The following SPPL3 variants were observed in gnomAD, a reference collection of about 807,000 sequenced individuals.
SPPL3 encodes the protein signal peptide peptidase like 3.
A neutral mutation model predicts 42.4 loss-of-function variants in SPPL3; 5 were observed. The observed-to-expected ratio is 0.12, with a 90% CI of 0.06 to 0.25. The LOEUF (loss-of-function observed/expected upper bound fraction) is 0.25. Ranked by LOEUF, SPPL3 falls within the 10% of genes least tolerant of loss-of-function variation. The pLI, the probability that SPPL3 is intolerant of heterozygous loss-of-function variation, is 1.00. For missense variants in SPPL3, 235 were observed against 489.0 expected (o/e 0.48, Z 4.90); for synonymous variants, 195 against 181.8 (o/e 1.07, Z -0.58).
At position 120,768,966 on chromosome 12, in the gene SPPL3, T is replaced by A; in HGVS notation, c.596A>T (p.Tyr199Phe). 6.2e-7 allele frequency: 1 copy of A among 1,610,034 alleles called. No individual in the cohort carries two copies. The highest frequency in any genetic ancestry group is 2.2e-5 in the East Asian group (1 of 44,786). ...ATAAACGCTTACCCAAAAGACATCATAGATGAGAAGCCCTGAGAGAAGCAG... is the reference window on the plus strand; with the variant it reads ...ATAAACGCTTACCCAAAAGACATCAAAGATGAGAAGCCCTGAGAGAAGCAG... ...SCLLLSGLLI[Y>F]DVFWVFFSAY... is the part of the protein sequence containing the mutation. Residue 199 changes from tyrosine to phenylalanine, a missense_variant, in exon 7 of 11, where the codon TAT becomes TTT. Tyr to Phe is a conservative substitution (Grantham distance 22, BLOSUM62 3). Around this residue, in one of 6 missense-constraint regions of SPPL3, gnomAD observed 18 missense variants for 86.9 expected, o/e 0.21. Transcript: ENST00000353487.
chr12:120,815,787 T>G (rs1870851199), intron 1 of SPPL3, among the ~76,000 whole-genome samples: 1 of 152,046 alleles, frequency 6.6e-6, no homozygotes, highest in East Asian at 1.9e-4. Context: ...AGTGCAACGG[T>G]GCGATCTCGG....
At chr12:120,786,664 AAACCACAGATTTTTG>A (rs1486855056) in intron 3 of SPPL3, among the ~76,000 whole-genome samples, 1 of 151,348 alleles carries the variant, frequency 6.6e-6, no homozygotes, top group African/African-American at 2.4e-5. Flanking sequence ...TTTTTTTTTT[AAACCACAGATTTTTG>A]AACCAGGAGG....
At chr12:120,859,592 G>T (rs904540020) in intron 1 of SPPL3, among the ~76,000 whole-genome samples, 2 of 152,138 alleles carry the variant, frequency 1.3e-5, no homozygotes, top group Admixed American at 1.3e-4. Context: ...TATCTCTACA[G>T]CCATTATTAT....
At chr12:120,903,695 T>G in intron 1 of SPPL3, 150 bp downstream of exon 1, 1 of 665,270 alleles carries the variant, frequency 1.5e-6, no homozygotes, top group Non-Finnish European at 2.3e-6. Flanking sequence ...AGCCGCCCCC[T>G]CCGGTGGGGA....
chr12:120,844,005 T>G (rs1282590228), intron 1 of SPPL3, among the ~76,000 whole-genome samples: 1 of 152,118 alleles, frequency 6.6e-6, no homozygotes, highest in Non-Finnish European at 1.5e-5. Flanking sequence ...AAACAAAACA[T>G]TTGTTCTCTG....
rs931883775 is a variant in SPPL3, at chr12:120,764,135, T to C, written c.*864A>G. 1 of 152,444 alleles carries C rather than the reference T, an allele frequency of 6.6e-6. No individual in the cohort carries two copies. Among genetic ancestry groups the C allele is most frequent in the South Asian group, 2.1e-4 (1 of 4,830 alleles). The allele number at this position is 152,444 out of a possible 1,614,324, so 9.4% of individuals were successfully genotyped here. On this transcript the variant is annotated 3_prime_UTR_variant, in exon 11 of 11. Coordinates refer to ENST00000353487, the MANE Select transcript of SPPL3 (RefSeq NM_139015.5). ...TGAGTCTATCATCAATCAGCACAAA[T>C]GCTATACTAGTTTGTAACTGCGGGG...
At chr12:120,791,716 TCAGTCCTTC>T (rs980359533) in intron 2 of SPPL3, 159 bp from the exon 3 acceptor site, 12 of 577,836 alleles carry the variant, frequency 2.1e-5, no homozygotes, top group Non-Finnish European at 3.6e-5. Flanking sequence ...AAAACAATCT[TCAGTCCTTC>T]CAATGTGTCA....
chr12:120,899,966 T>C (rs375276678), intron 1 of SPPL3, among the ~76,000 whole-genome samples: 5 of 151,260 alleles, frequency 3.3e-5, no homozygotes, highest in African/African-American at 1.2e-4. Flanking sequence ...AGAATTTGAG[T>C]TGAACCCTTG....
chr12:120,902,562 G>C (rs1009447986), intron 1 of SPPL3, among the ~76,000 whole-genome samples: 8 of 152,054 alleles, frequency 5.3e-5, no homozygotes, highest in African/African-American at 1.9e-4. Flanking sequence ...CTATTTTATA[G>C]GTAAGGAAAA....
At chr12:120,789,210 T>G (rs749663603) in intron 3 of SPPL3, among the ~76,000 whole-genome samples, 13 of 151,926 alleles carry the variant, frequency 8.6e-5, no homozygotes, top group Non-Finnish European at 1.6e-4. Flanking sequence ...TCCCAGCACT[T>G]TGGGAGGCCA....
intron 1 of SPPL3, among the ~76,000 whole-genome samples, chr12:120,838,730 G>A (rs1030361527): frequency 6.6e-6 from 1 of 152,206 alleles, no homozygotes; most frequent in Non-Finnish European, 1.5e-5. Flanking sequence ...CATTCCAAGA[G>A]AGTGGTCAGA....
Position 120,785,817 on chromosome 12 carries a change from A to T in SPPL3, c.191-1224T>A, listed in dbSNP as rs868258497. Among the ~76,000 whole-genome samples, 505 of 17,658 alleles carry T rather than the reference A, an allele frequency of 0.029. 2 individuals carry two copies. The African/African-American group carries it at 0.29, about 10-fold the overall frequency. The allele number at this position is 17,658 out of a possible 152,430, so 11.6% of individuals were successfully genotyped here. On this transcript the variant is annotated intron_variant, in intron 3 of 10. Coordinates refer to ENST00000353487, the MANE Select transcript of SPPL3 (RefSeq NM_139015.5). ...GAGACCCTATCTCTACAGAAAATTA[A>T]AAAAAAAAAAAAAATTAGGCATGTT...
intron 1 of SPPL3, among the ~76,000 whole-genome samples, chr12:120,833,087 C>T (rs1242112262): frequency 1.3e-5 from 2 of 152,150 alleles, no homozygotes; most frequent in Non-Finnish European, 2.9e-5. Context: ...GAAGAGATTG[C>T]TTCCATCGGA....
chr12:120,874,890 G>A (rs1265184916), intron 1 of SPPL3, among the ~76,000 whole-genome samples: 2 of 152,138 alleles, frequency 1.3e-5, no homozygotes, highest in South Asian at 2.1e-4. Context: ...TCAAGGCTGG[G>A]TCACAAAAGC....
chr12:120,855,208 C>T (rs1872411096), intron 1 of SPPL3, among the ~76,000 whole-genome samples: 1 of 152,088 alleles, frequency 6.6e-6, no homozygotes, highest in South Asian at 2.1e-4. Flanking sequence ...TAAAGTACAT[C>T]CCCTCAGTAT....
intron 1 of SPPL3, among the ~76,000 whole-genome samples, chr12:120,843,465 C>A (rs1400570884): frequency 2.0e-5 from 3 of 152,128 alleles, no homozygotes; most frequent in African/African-American, 7.2e-5. Flanking sequence ...CTGACACTCC[C>A]TCCTTCTTGA....
intron 7 of SPPL3, 99 bp downstream of exon 7, chr12:120,768,854 C>A: frequency 1.9e-6 from 2 of 1,037,296 alleles, no homozygotes; most frequent in South Asian, 1.5e-5. Flanking sequence ...AGCAGCTGGG[C>A]AAGCCCGACT....
intron 6 of SPPL3, 114 bp from the exon 7 acceptor site, chr12:120,769,173 C>T (rs967224682): frequency 4.0e-6 from 3 of 754,000 alleles, no homozygotes; most frequent in Non-Finnish European, 6.5e-6. Context: ...AATCAGGCAG[C>T]CCTAAGCTCC....
rs1431800704 is a variant in SPPL3, at chr12:120,782,776, C to T, written c.390-9G>A. 1.3e-6 allele frequency: 2 copies of T among 1,587,982 alleles called. No homozygotes were observed. The highest frequency in any genetic ancestry group is 1.3e-5 in the African/African-American group (1 of 74,294). On this transcript the variant is annotated splice_polypyrimidine_tract_variant and intron_variant, in intron 5 of 10. Transcript: ENST00000353487. ...AGCAACCAAAGGAAATCCTGGAAAACACACAACACTTATTGGACAGTGGGC... is the reference window on the plus strand; with the variant it reads ...AGCAACCAAAGGAAATCCTGGAAAATACACAACACTTATTGGACAGTGGGC...
Sources: gnomAD v4.1 joint callset for allele counts (sites outside exome capture counted in the v4.1 genomes callset) on GRCh38, gnomAD v4.1.1 for gene constraint, gnomAD v4.1.1 regional missense constraint, MANE v1.5 for transcripts, NCBI Gene and HGNC (gene_info 2026-07-23, HGNC 2026-07-21) for gene names.